CADPS2: variants seen among roughly 807,000 people sequenced by gnomAD.
CADPS2 encodes calcium dependent secretion activator 2, also known as calcium-dependent secretion activator 2.
In CADPS2, 93 loss-of-function variants were observed where a neutral mutation model predicts 172.5. That is an observed-to-expected ratio of 0.54 (90% confidence interval 0.46 to 0.64). The LOEUF (loss-of-function observed/expected upper bound fraction) is 0.64. Ranked by LOEUF, CADPS2 falls within the 30% of genes least tolerant of loss-of-function variation. The pLI is 0.00. For missense variants in CADPS2, 1,420 were observed against 1,565.9 expected (o/e 0.91, Z 1.57); for synonymous variants, 546 against 555.2 (o/e 0.98, Z 0.23).
chr7:122,430,187 A>T (rs2049708292), intron 17 of CADPS2, among the ~76,000 whole-genome samples: 2 of 152,176 alleles, frequency 1.3e-5, no homozygotes, highest in Admixed American at 1.3e-4. Flanking sequence ...CCTCCCAAAG[A>T]CTTTGCTTAT....
chr7:122,531,626 G>C (rs2061763199), intron 8 of CADPS2, among the ~76,000 whole-genome samples: 2 of 152,182 alleles, frequency 1.3e-5, no homozygotes, highest in Admixed American at 1.3e-4. Flanking sequence ...TGTAAATGGA[G>C]ATAACGATTG....
intron 25 of CADPS2, chr7:122,366,973 T>C (rs574147484): frequency 5.9e-5 from 9 of 152,188 alleles, no homozygotes; most frequent in African/African-American, 2.2e-4. Context: ...CACCACACTG[T>C]TTTCTCTCAC....
chr7:122,710,396 T>C (rs2088511635), intron 2 of CADPS2, among the ~76,000 whole-genome samples: 3 of 152,116 alleles, frequency 2.0e-5, no homozygotes, highest in South Asian at 4.1e-4. Context: ...GAACAGTGTA[T>C]TAAAGCACCA....
chr7:122,839,993 C>A (rs573961382), intron 1 of CADPS2, among the ~76,000 whole-genome samples: 1 of 152,094 alleles, frequency 6.6e-6, no homozygotes, highest in Admixed American at 6.5e-5. Context: ...ATGTTTATTG[C>A]GGCACTATTC....
chr7:122,591,498 T>C (rs1482726932), intron 6 of CADPS2, among the ~76,000 whole-genome samples: 1 of 152,084 alleles, frequency 6.6e-6, no homozygotes, highest in Non-Finnish European at 1.5e-5. Flanking sequence ...TTAAAGTTCA[T>C]ATTGAACCAA....
chr7:122,687,120 A>C (rs568196993), intron 2 of CADPS2, among the ~76,000 whole-genome samples: 8 of 152,358 alleles, frequency 5.3e-5, no homozygotes, highest in African/African-American at 1.9e-4. Context: ...AATACTTTTT[A>C]CACAAGGGAG....
At chr7:122,653,047 G>A (rs1443439620) in intron 3 of CADPS2, among the ~76,000 whole-genome samples, 1 of 152,084 alleles carries the variant, frequency 6.6e-6, no homozygotes, top group African/African-American at 2.4e-5. Flanking sequence ...TGGAACAAAG[G>A]ATATTACCAA....
At chr7:122,618,324 G>C (rs1377903295) in intron 5 of CADPS2, among the ~76,000 whole-genome samples, 1 of 152,062 alleles carries the variant, frequency 6.6e-6, no homozygotes, top group Non-Finnish European at 1.5e-5. Context: ...GCACTGTTTA[G>C]GCACTTTCAA....
chr7:122,477,324 C>T (rs1012082231), intron 12 of CADPS2, among the ~76,000 whole-genome samples: 1 of 151,666 alleles, frequency 6.6e-6, no homozygotes, highest in Non-Finnish European at 1.5e-5. Context: ...ACCAGCCTGA[C>T]CAACATGGTG....
At chr7:122,863,369 T>C (rs1307630653) in intron 1 of CADPS2, among the ~76,000 whole-genome samples, 1 of 152,188 alleles carries the variant, frequency 6.6e-6, no homozygotes, top group Non-Finnish European at 1.5e-5. Context: ...TGAGATGTGA[T>C]GTAGGATGAA....
At chr7:122,658,808 CACCAACATGGCACATGT>C (rs2080146489) in intron 3 of CADPS2, among the ~76,000 whole-genome samples, 1 of 151,982 alleles carries the variant, frequency 6.6e-6, no homozygotes, top group South Asian at 2.1e-4. Flanking sequence ...GGGTGCAGCA[CACCAACATGGCACATGT>C]ATACATATGT....
chr7:122,708,520 GATATATATATATATAT>G (rs57522086), intron 2 of CADPS2, among the ~76,000 whole-genome samples: 475 of 116,354 alleles, frequency 4.1e-3, no homozygotes, highest in South Asian at 0.018. Flanking sequence ...TTGTATTCGA[GATATATATATATATAT>G]ATATATATAT....
At chr7:122,505,900 A>T (rs540742370) in intron 9 of CADPS2, among the ~76,000 whole-genome samples, 1 of 152,280 alleles carries the variant, frequency 6.6e-6, no homozygotes, top group East Asian at 1.9e-4. Flanking sequence ...TCACATTCCC[A>T]AGGCCAGACC....
chr7:122,528,578 G>C (rs1253028282), intron 8 of CADPS2, among the ~76,000 whole-genome samples: 1 of 152,090 alleles, frequency 6.6e-6, no homozygotes, highest in African/African-American at 2.4e-5. Context: ...TGGGCAGTAA[G>C]GATGGACTAC....
At chr7:122,803,150 G>GA (rs1205352941) in intron 1 of CADPS2, among the ~76,000 whole-genome samples, 3 of 151,866 alleles carry the variant, frequency 2.0e-5, no homozygotes, top group Admixed American at 1.3e-4. Flanking sequence ...TATAAACTCA[G>GA]AAAAAAACAT....
At chr7:122,809,277 T>C (rs1051460732) in intron 1 of CADPS2, among the ~76,000 whole-genome samples, 1 of 151,976 alleles carries the variant, frequency 6.6e-6, no homozygotes, top group African/African-American at 2.4e-5. Context: ...CAATCATCCA[T>C]AGACTGCCTC....
At chr7:122,602,422 T>G (rs2072922411) in intron 6 of CADPS2, among the ~76,000 whole-genome samples, 1 of 152,068 alleles carries the variant, frequency 6.6e-6, no homozygotes, top group African/African-American at 2.4e-5. Flanking sequence ...GAACATCTTT[T>G]GCTCTGAAGC....
intron 2 of CADPS2, among the ~76,000 whole-genome samples, chr7:122,719,829 T>C (rs886422069): frequency 6.6e-6 from 1 of 151,968 alleles, no homozygotes; most frequent in Non-Finnish European, 1.5e-5. Context: ...GGAAAAAATA[T>C]CATCATTTAT....
At chr7:122,386,328 G>A in intron 24 of CADPS2, 2 of 1,407,282 alleles carry the variant, frequency 1.4e-6, no homozygotes, top group Non-Finnish European at 9.4e-7. Flanking sequence ...TGCCATGGGT[G>A]GAAAAAAAAA....
Sources: gnomAD v4.1 joint callset for allele counts (sites outside exome capture counted in the v4.1 genomes callset) on GRCh38, gnomAD v4.1.1 for gene constraint, MANE v1.5 for transcripts, NCBI Gene and HGNC (gene_info 2026-07-23, HGNC 2026-07-21) for gene names.